SORCS2: variants seen among roughly 807,000 people sequenced by gnomAD.
SORCS2 encodes the protein VPS10 domain-containing receptor SorCS2.
A neutral mutation model predicts 141.6 loss-of-function variants in SORCS2; 100 were observed. The observed-to-expected ratio is 0.71, with a 90% CI of 0.60 to 0.83. SORCS2 has a LOEUF of 0.83. SORCS2 is among the 40% of genes least tolerant of loss of function. SORCS2 has a pLI of 0.00. For synonymous variants in SORCS2, 789 were observed against 676.9 expected, an observed-to-expected ratio of 1.17 and a Z score of -2.57; for missense variants, 1,646 against 1,560.2, an observed-to-expected ratio of 1.05 and a Z score of -0.93.
In SORCS2 at chr4:7,192,699, G is replaced by A. The variant is rs1329626385; in HGVS notation, c.53G>A (p.Arg18Gln). The change falls in exon 1 of 27, where the codon CGA becomes CAA. Residue 18 changes from arginine (R) to glutamine (Q), a missense_variant. Coordinates refer to ENST00000507866, the MANE Select transcript of SORCS2 (RefSeq NM_020777.3). The surrounding 1 kb of genome is among the most constrained non-coding windows in gnomAD (Gnocchi z 4.0). ...TCGAAGGGCCCCGGCCCCACCGCCC[G>A]AGCCCCGAGCCCCGGGGCTCCGCCG... Reference protein sequence around the residue: ...RASKGPGPTARAPSPGAPPPP... With the variant: ...RASKGPGPTAQAPSPGAPPPP... The A allele has an allele frequency of 1.8e-5, 18 of 988,956 alleles. No individual in the cohort carries two copies. Among genetic ancestry groups the A allele is most frequent in the East Asian group, 1.1e-4 (1 of 8,962 alleles). 61.3% of individuals were successfully genotyped at this position (988,956 alleles called of 1,614,324 possible). A position where few individuals can be genotyped will look rare whatever the true frequency, so the allele number is the denominator to read the frequency against.
At chr4:7,692,199 G>C (rs1313296912) in intron 11 of SORCS2, among the ~76,000 whole-genome samples, 2 of 152,174 alleles carry the variant, frequency 1.3e-5, no homozygotes, top group African/African-American at 2.4e-5. Flanking sequence ...ACATCTGCTG[G>C]CCCGACATGG....
At chr4:7,535,425 C>G (rs1381357385) in intron 3 of SORCS2, among the ~76,000 whole-genome samples, 4 of 152,208 alleles carry the variant, frequency 2.6e-5, no homozygotes, top group African/African-American at 9.7e-5. Flanking sequence ...GCATAGGGGC[C>G]TGTTCCTGGG....
intron 12 of SORCS2, among the ~76,000 whole-genome samples, chr4:7,700,038 C>T (rs1724961427): frequency 6.6e-6 from 1 of 152,216 alleles, no homozygotes; most frequent in South Asian, 2.1e-4. Context: ...CCCGGGGCCT[C>T]TCCGTGTGCC....
At chr4:7,649,988 T>G (rs1381683870) in intron 4 of SORCS2, among the ~76,000 whole-genome samples, 7 of 152,086 alleles carry the variant, frequency 4.6e-5, no homozygotes, top group Non-Finnish European at 1.5e-5. Context: ...CGGCTATTAG[T>G]GTGAATGATG....
intron 1 of SORCS2, among the ~76,000 whole-genome samples, chr4:7,302,152 C>T (rs889180060): frequency 2.0e-5 from 3 of 152,256 alleles, no homozygotes; most frequent in Admixed American, 6.5e-5. Flanking sequence ...TCCGTGATAC[C>T]TGAGCTCCTG....
chr4:7,238,098 A>G (rs181099581), intron 1 of SORCS2, among the ~76,000 whole-genome samples: 7 of 152,238 alleles, frequency 4.6e-5, no homozygotes, highest in Non-Finnish European at 7.4e-5. Context: ...ACAGCATTCT[A>G]TTTGACTCAT....
intron 1 of SORCS2, among the ~76,000 whole-genome samples, chr4:7,328,765 C>T (rs1049101423): frequency 6.6e-6 from 1 of 152,230 alleles, no homozygotes; most frequent in Non-Finnish European, 1.5e-5. Flanking sequence ...TTGCCACTCA[C>T]CCAGTCTGTG....
chr4:7,277,713 G>A (rs1013601058), intron 1 of SORCS2, among the ~76,000 whole-genome samples: 8 of 152,158 alleles, frequency 5.3e-5, no homozygotes, highest in Non-Finnish European at 1.2e-4. Context: ...GTCTGCCCTG[G>A]CCAGTCAGCC....
chr4:7,358,009 T>C (rs1721357048), intron 1 of SORCS2, among the ~76,000 whole-genome samples: 1 of 152,214 alleles, frequency 6.6e-6, no homozygotes, highest in South Asian at 2.1e-4. Flanking sequence ...CTGAAAATAT[T>C]TGTGTACCCC....
At chr4:7,682,239 A>G (rs1723566699) in intron 9 of SORCS2, among the ~76,000 whole-genome samples, 2 of 151,872 alleles carry the variant, frequency 1.3e-5, no homozygotes, top group African/African-American at 4.8e-5. Flanking sequence ...GTAAGCATGG[A>G]CCCTCCTGTC....
intron 21 of SORCS2, 100 bp downstream of exon 21, chr4:7,727,003 A>C: frequency 2.2e-6 from 3 of 1,376,546 alleles, no homozygotes; most frequent in Non-Finnish European, 2.9e-6. Flanking sequence ...TGTCCTGGTC[A>C]CCCTGAGTGG....
chr4:7,424,121 G>A (rs1034047224), intron 2 of SORCS2, among the ~76,000 whole-genome samples: 1 of 152,216 alleles, frequency 6.6e-6, no homozygotes, highest in Non-Finnish European at 1.5e-5. Context: ...GTCACCCTGG[G>A]TCTCACATTG....
chr4:7,227,595 C>T (rs1297899628), intron 1 of SORCS2, among the ~76,000 whole-genome samples: 1 of 152,122 alleles, frequency 6.6e-6, no homozygotes, highest in African/African-American at 2.4e-5. Flanking sequence ...ACACACCTGG[C>T]GCCCCTCTGT....
At chr4:7,494,678 G>C (rs991843728) in intron 2 of SORCS2, among the ~76,000 whole-genome samples, 7 of 152,226 alleles carry the variant, frequency 4.6e-5, no homozygotes, top group African/African-American at 1.7e-4. Context: ...TGTGCATTCT[G>C]GGAGGCTACA....
chr4:7,375,511 G>A (rs2109055654), intron 1 of SORCS2, among the ~76,000 whole-genome samples: 1 of 152,254 alleles, frequency 6.6e-6, no homozygotes, highest in South Asian at 2.1e-4. Flanking sequence ...CCAGTGAGAA[G>A]CCTTTTCTCA....
intron 2 of SORCS2, among the ~76,000 whole-genome samples, chr4:7,450,291 G>T (rs769365419): frequency 1.3e-5 from 2 of 152,234 alleles, no homozygotes; most frequent in Non-Finnish European, 2.9e-5. Flanking sequence ...CCTCTAGGCT[G>T]TGGGAGGAAT....
At chr4:7,214,968 C>T (rs534402411) in intron 1 of SORCS2, among the ~76,000 whole-genome samples, 7 of 151,316 alleles carry the variant, frequency 4.6e-5, no homozygotes, top group Admixed American at 1.3e-4. Context: ...AGCGTGCTGG[C>T]AGTCCTCACG....
chr4:7,471,567 C>T (rs532102848), intron 2 of SORCS2, among the ~76,000 whole-genome samples: 3 of 152,232 alleles, frequency 2.0e-5, no homozygotes, highest in East Asian at 1.9e-4. Context: ...CAGCGGGGCT[C>T]GCCGCCCCTA....
rs1560115558 is a variant in SORCS2, at chr4:7,725,232, T to C, written c.2690T>C (p.Leu897Pro). 2 of 1,613,656 alleles carry C rather than the reference T, an allele frequency of 1.2e-6. No homozygotes were observed. The change falls in exon 20 of 27, where the codon CTT (leucine) becomes CCT (proline). Residue 897 changes from leucine to proline, a missense_variant. Physicochemically the swap from Leu to Pro is moderately conservative, Grantham distance 98. Coordinates refer to ENST00000507866, the MANE Select transcript of SORCS2 (RefSeq NM_020777.3). ...GAGGTGAACCTCACAGCTGTGCTGC[T>C]TCCCTTGAACCCTAACCTCACCGTC... The part of the protein sequence containing the change: ...NQEVNLTAVL[L>P]PLNPNLTVFY...
Sources: allele counts gnomAD v4.1 joint callset (sites outside exome capture counted in the v4.1 genomes callset), GRCh38; gene constraint gnomAD v4.1.1; non-coding constraint Gnocchi (gnomAD v3.1); transcripts MANE v1.5; gene names NCBI Gene and HGNC (gene_info 2026-07-23, HGNC 2026-07-21).